Variants in ELP1 observed in about 807,000 individuals in gnomAD.
The protein encoded by ELP1 is elongator acetyltransferase complex subunit 1.
In ELP1, 131 loss-of-function variants were observed where a neutral mutation model predicts 183.2. The observed-to-expected ratio is 0.72, with a 90% confidence interval of 0.62 to 0.83. The LOEUF (loss-of-function observed/expected upper bound fraction) is 0.83, where lower values mean the gene tolerates loss of function less well. Among genes scored for constraint, ELP1 ranks in the 40% least tolerant of loss-of-function variants. ELP1 has a pLI of 0.00. For synonymous variants in ELP1, 555 were observed against 569.0 expected (o/e 0.98, Z 0.35); for missense variants, 1,550 against 1,594.9 (o/e 0.97, Z 0.48).
At chr9:108,882,278 T>C (rs1476430719) in intron 29 of ELP1, 91 bp from the exon 30 acceptor site, 1 of 1,066,606 alleles carries the variant, frequency 9.4e-7, no homozygotes, top group African/African-American at 1.5e-5. Context: ...GACCTGCCTC[T>C]ATCTCCCTGG....
chr9:108,894,010 A>G lies in ELP1; in HGVS notation c.2793T>C (p.Tyr931=), dbSNP rs1828444286. 6.3e-7 allele frequency: 1 copy of G among 1,598,106 alleles called. No individual in the cohort carries two copies. The highest frequency in any genetic ancestry group is 1.7e-5 in the Admixed American group (1 of 59,960). ...AGTATTTGTCTATAGTAAACCGCTG[A>G]TAATTAGTTTCCATTTTCTTAAGTG... The part of the protein sequence containing the change: ...LNTLKKMETN[Y]QRFTIDKYLK... Residue 931 remains tyrosine, a synonymous_variant, in exon 26 of 37, where the codon TAT becomes TAC. Transcript: ENST00000374647.
intron 12 of ELP1, 147 bp from the exon 13 acceptor site, chr9:108,908,551 T>C: frequency 1.5e-6 from 1 of 684,464 alleles, no homozygotes. Flanking sequence ...AATTTCTGCT[T>C]TCCTCTTAAG....
At chr9:108,887,141 C>T (rs538352505) in intron 29 of ELP1, among the ~76,000 whole-genome samples, 1 of 152,096 alleles carries the variant, frequency 6.6e-6, no homozygotes, top group East Asian at 1.9e-4. Context: ...CCTAGGAGGT[C>T]AAGGTTGTAG....
intron 30 of ELP1, 91 bp from the exon 31 acceptor site, chr9:108,881,856 G>T: frequency 2.4e-6 from 2 of 848,492 alleles, no homozygotes; most frequent in Non-Finnish European, 4.0e-6. Flanking sequence ...ACTTTCAGAG[G>T]TAATCAGAAT....
intron 14 of ELP1, among the ~76,000 whole-genome samples, chr9:108,904,081 A>G (rs974095220): frequency 5.3e-5 from 8 of 152,188 alleles, no homozygotes; most frequent in African/African-American, 1.9e-4. Context: ...TCTGCTTAAA[A>G]TAGTTAAAGC....
At chr9:108,899,453 G>T (rs1414316685) in intron 20 of ELP1, among the ~76,000 whole-genome samples, 1 of 151,990 alleles carries the variant, frequency 6.6e-6, no homozygotes, top group Non-Finnish European at 1.5e-5. Context: ...TGGGTCATAG[G>T]CCCCGCTGTA....
At chr9:108,889,980 C>G (rs1828260989) in intron 28 of ELP1, among the ~76,000 whole-genome samples, 1 of 152,192 alleles carries the variant, frequency 6.6e-6, no homozygotes, top group Non-Finnish European at 1.5e-5. Flanking sequence ...CACAGAGTGA[C>G]TCCAGTGTGT....
intron 31 of ELP1, 58 bp downstream of exon 31, chr9:108,881,647 A>ATC: frequency 9.4e-7 from 1 of 1,060,884 alleles, no homozygotes; most frequent in Non-Finnish European, 1.5e-6. Flanking sequence ...AGACTCTCTC[A>ATC]TCTCTCTCTC....
chr9:108,913,673 A>G (rs1244864664), intron 10 of ELP1, among the ~76,000 whole-genome samples: 4 of 151,946 alleles, frequency 2.6e-5, no homozygotes, highest in Admixed American at 2.6e-4. Context: ...TTTGAGATGG[A>G]GTCTCACTCT....
intron 16 of ELP1, among the ~76,000 whole-genome samples, chr9:108,902,492 T>C (rs142238936): frequency 7.9e-5 from 12 of 152,252 alleles, no homozygotes; most frequent in Non-Finnish European, 1.5e-4. Context: ...ATTATAGGCA[T>C]TCTAGTATGT....
chr9:108,899,667 T>TAAA (rs369301164), intron 20 of ELP1, among the ~76,000 whole-genome samples, 155 bp downstream of exon 20: 3 of 138,632 alleles, frequency 2.2e-5, no homozygotes, highest in Admixed American at 7.2e-5. Context: ...GTAAAAAAGT[T>TAAA]AAAAAAAAAA....
chr9:108,892,708 A>G (rs1352602795), intron 27 of ELP1, among the ~76,000 whole-genome samples: 1 of 152,200 alleles, frequency 6.6e-6, no homozygotes, highest in Admixed American at 6.5e-5. Context: ...AAAGATCTGT[A>G]CTTGTTAGGA....
rs1828906141 is a variant in ELP1 at position 108,903,688 on chromosome 9, A to G, written c.1644-19T>C. 1 of 1,571,382 alleles carries G rather than the reference A, an allele frequency of 6.4e-7. No individual in the cohort carries two copies. The highest frequency in any genetic ancestry group is 8.8e-7 in the Non-Finnish European group (1 of 1,141,360). ...AGATGAACTGACAAAAAAAAGGAGAAGGGAGTGTAAACAGACCATTTTTCT... is the reference window on the plus strand; with the variant it reads ...AGATGAACTGACAAAAAAAAGGAGAGGGGAGTGTAAACAGACCATTTTTCT... On this transcript the variant is annotated intron_variant, in intron 14 of 36. Coordinates refer to ENST00000374647, the MANE Select transcript of ELP1 (RefSeq NM_003640.5).
At chr9:108,912,901 C>T (rs1269432557) in intron 10 of ELP1, among the ~76,000 whole-genome samples, 1 of 148,958 alleles carries the variant, frequency 6.7e-6, no homozygotes, top group Non-Finnish European at 1.5e-5. Flanking sequence ...ACTACAGGCG[C>T]CCACCACCAC....
chr9:108,910,319 C>G (rs950499077), intron 12 of ELP1, among the ~76,000 whole-genome samples: 1 of 152,144 alleles, frequency 6.6e-6, no homozygotes, highest in East Asian at 1.9e-4. Context: ...AAGGACTTCC[C>G]ATTTAAATTA....
At chr9:108,895,527 T>G (rs1828506995) in intron 25 of ELP1, among the ~76,000 whole-genome samples, 1 of 151,974 alleles carries the variant, frequency 6.6e-6, no homozygotes, top group African/African-American at 2.4e-5. Flanking sequence ...TTGTCTTTCC[T>G]CCATGGGCAG....
chr9:108,880,538 T>C (rs1484286722), intron 31 of ELP1, among the ~76,000 whole-genome samples: 4 of 152,194 alleles, frequency 2.6e-5, no homozygotes, highest in African/African-American at 9.6e-5. Context: ...CCTAAATGTT[T>C]CTGGCTAAAC....
At chr9:108,872,656 T>A (rs1197235127) in intron 36 of ELP1, among the ~76,000 whole-genome samples, 3 of 150,818 alleles carry the variant, frequency 2.0e-5, no homozygotes, top group African/African-American at 7.4e-5. Context: ...TACAAAAAAA[T>A]TAGCCGGGCG....
chr9:108,901,554 A>G, intron 17 of ELP1, 24 bp from the exon 18 acceptor site: 1 of 1,611,234 alleles, frequency 6.2e-7, no homozygotes. Flanking sequence ...CCAGAGAGGC[A>G]TGGGTGAAAG....
Sources: allele counts gnomAD v4.1 joint callset (sites outside exome capture counted in the v4.1 genomes callset), GRCh38; gene constraint gnomAD v4.1.1; transcripts MANE v1.5; gene names NCBI Gene and HGNC (gene_info 2026-07-23, HGNC 2026-07-21).